TTC7A: variants seen among roughly 807,000 people sequenced by gnomAD.
The protein encoded by TTC7A is tetratricopeptide repeat domain 7A.
TTC7A carries 110 observed loss-of-function variants against 103.7 expected under a neutral mutation model. The ratio of observed to expected loss-of-function variants is 1.06; its 90% confidence interval spans 0.91 to 1.24. The LOEUF is 1.24. Ranked by LOEUF, TTC7A falls within the 50% of genes most tolerant of loss-of-function variation. TTC7A has a pLI of 0.00. For synonymous variants in TTC7A, 521 were observed against 467.9 expected (o/e 1.11, Z -1.47); for missense variants, 1,340 against 1,116.3 (o/e 1.20, Z -2.86).
intron 3 of TTC7A, among the ~76,000 whole-genome samples, chr2:46,966,263 T>G (rs1336760251): frequency 6.6e-6 from 1 of 152,108 alleles, no homozygotes; most frequent in Non-Finnish European, 1.5e-5. Flanking sequence ...TACTTTCTAC[T>G]CTTTATAATA....
At chr2:47,070,272 G>T (rs968153865) in intron 19 of TTC7A, among the ~76,000 whole-genome samples, 3 of 152,246 alleles carry the variant, frequency 2.0e-5, no homozygotes, top group African/African-American at 7.2e-5. Flanking sequence ...CCACAGGGAG[G>T]CTCCCCACTG....
intron 8 of TTC7A, chr2:46,999,530 G>A (rs188603229): frequency 5.1e-6 from 5 of 985,398 alleles, no homozygotes; most frequent in East Asian, 1.1e-4. Flanking sequence ...TAAAGACAAC[G>A]ATTAACAGTT....
intron 18 of TTC7A, 86 bp downstream of exon 18, chr2:47,051,966 G>A: frequency 6.7e-7 from 1 of 1,483,912 alleles, no homozygotes; most frequent in South Asian, 1.3e-5. Context: ...AGGGAGTGTG[G>A]GGAGGTGGGG....
intron 3 of TTC7A, among the ~76,000 whole-genome samples, chr2:46,972,243 A>G (rs13014374): frequency 0.61 from 92,804 of 151,640 alleles, 28,889 homozygotes; most frequent in East Asian, 0.74. Flanking sequence ...TTTTCCATAC[A>G]GCATTAATTT....
chr2:46,965,400 G>A (rs1379216859), intron 3 of TTC7A, among the ~76,000 whole-genome samples: 1 of 152,178 alleles, frequency 6.6e-6, no homozygotes, highest in Non-Finnish European at 1.5e-5. Context: ...CTCAGTCCCT[G>A]TGGCACTGCT....
chr2:46,933,651 G>C (rs1669823726), intron 2 of TTC7A, among the ~76,000 whole-genome samples: 1 of 152,180 alleles, frequency 6.6e-6, no homozygotes. Flanking sequence ...AGTAAAAGTT[G>C]ATTTCCGAAT....
At chr2:47,041,104 G>C (rs1225225129) in intron 15 of TTC7A, among the ~76,000 whole-genome samples, 1 of 152,168 alleles carries the variant, frequency 6.6e-6, no homozygotes, top group Non-Finnish European at 1.5e-5. Context: ...CAGTCAGGAG[G>C]AGCCAGAAGA....
At chr2:46,978,634 T>G (rs1674116112) in intron 4 of TTC7A, 158 bp from the exon 5 acceptor site, 1 of 567,076 alleles carries the variant, frequency 1.8e-6, no homozygotes, top group Non-Finnish European at 3.2e-6. Flanking sequence ...TAGACATATT[T>G]TGAGTTAAAG....
chr2:46,983,465 C>T (rs1437514472), intron 5 of TTC7A, among the ~76,000 whole-genome samples: 1 of 152,246 alleles, frequency 6.6e-6, no homozygotes, highest in Non-Finnish European at 1.5e-5. Context: ...TTGGAGCGCC[C>T]TTGTCTCCCT....
intron 3 of TTC7A, among the ~76,000 whole-genome samples, chr2:46,971,907 A>G (rs79390512): frequency 0.042 from 5,985 of 142,146 alleles, 157 homozygotes; most frequent in Middle Eastern, 0.074. Context: ...TCAGGTCTAT[A>G]TTAGCTGCAA....
rs911985240 is a variant in TTC7A at position 47,023,409 on chromosome 2, C to G, written c.1512C>G (p.Ala504=). The change falls in exon 13 of 20, where the codon GCC becomes GCG. Residue 504 remains alanine (A), a splice_region_variant and synonymous_variant. Coordinates refer to ENST00000319190, the MANE Select transcript of TTC7A (RefSeq NM_020458.4). ...CAGTTTCTGTCCTGTCCCCTGCAGC[C>G]ACCCTGAAGTCCAAGCAAGATGAAT... ...GLTYSLQATD[A]TLKSKQDELH... 5 of 1,614,014 alleles carry G rather than the reference C, an allele frequency of 3.1e-6. No homozygotes were observed. Among genetic ancestry groups the G allele is most frequent in the Non-Finnish European group, 3.4e-6 (4 of 1,179,992 alleles).
chr2:46,974,916 G>T (rs1309084966), intron 3 of TTC7A, 57 bp from the exon 4 acceptor site: 12 of 1,594,032 alleles, frequency 7.5e-6, no homozygotes, highest in Non-Finnish European at 1.0e-5. Flanking sequence ...CATGGGGAGG[G>T]CCTGGAGTCA....
Position 47,073,928 on chromosome 2 carries a change from G to C in TTC7A, c.*5G>C. 1 of 1,606,116 alleles carries C rather than the reference G, an allele frequency of 6.2e-7. No homozygotes were observed. Among genetic ancestry groups the C allele is most frequent in the Non-Finnish European group, 8.5e-7 (1 of 1,175,942 alleles). ...ATCATCCCCAGAGAGCTCTGACGAC[G>C]CTGCAGCCGCAGGGAGGGAGGGGCT... On this transcript the variant is annotated 3_prime_UTR_variant, in exon 20 of 20. Coordinates refer to ENST00000319190, the MANE Select transcript of TTC7A (RefSeq NM_020458.4).
At chr2:47,052,578 T>G (rs1682956000) in intron 18 of TTC7A, among the ~76,000 whole-genome samples, 1 of 152,172 alleles carries the variant, frequency 6.6e-6, no homozygotes, top group African/African-American at 2.4e-5. Flanking sequence ...CACCGGCTTA[T>G]GAATGCCCGG....
At chr2:46,963,634 A>G (rs886548846) in intron 3 of TTC7A, among the ~76,000 whole-genome samples, 5 of 152,330 alleles carry the variant, frequency 3.3e-5, no homozygotes, top group South Asian at 2.1e-4. Context: ...TACAACTCCA[A>G]CTAGTTGGAA....
At position 46,960,545 on chromosome 2, in the gene TTC7A, C is replaced by T. The variant is rs116497958; in HGVS notation, c.517+3538C>T. ...GCACCACCCAGGAGCTTGCAGGGGC[C>T]CTCCCCAAACTCACTGAATCAGAAT... On this transcript the variant is annotated intron_variant, in intron 3 of 19. Transcript: ENST00000319190. 1.2e-3 allele frequency among the ~76,000 whole-genome samples: 182 copies of T among 150,912 alleles called. 1 individual carries two copies. The highest frequency in any genetic ancestry group is 4.2e-3 in the African/African-American group (174 of 40,950).
In TTC7A at chr2:47,074,038, T is replaced by C. The variant is rs1685013423; in HGVS notation, c.*115T>C. On this transcript the variant is annotated 3_prime_UTR_variant, in exon 20 of 20. Coordinates refer to ENST00000319190, the MANE Select transcript of TTC7A (RefSeq NM_020458.4). ...GCGGGGCCTCAGGGAAATACATCTT[T>C]AGTGAACGCCTCTGCAGCTGCAGCC... is the stretch of plus-strand genomic sequence containing the variant. 4.0e-6 allele frequency: 3 copies of C among 747,590 alleles called. No homozygotes were observed. Among genetic ancestry groups the C allele is most frequent in the South Asian group, 1.8e-5 (1 of 55,742 alleles). The allele number at this position is 747,590 out of a possible 1,614,324, so 46.3% of individuals were successfully genotyped here.
intron 2 of TTC7A, among the ~76,000 whole-genome samples, chr2:46,919,419 G>A (rs984927528): frequency 2.0e-5 from 3 of 152,186 alleles, no homozygotes; most frequent in African/African-American, 7.2e-5. Flanking sequence ...TGTAATCCCA[G>A]ATACTCGGGA....
intron 3 of TTC7A, among the ~76,000 whole-genome samples, chr2:46,973,520 T>A (rs1350522438): frequency 6.6e-6 from 1 of 152,156 alleles, no homozygotes; most frequent in Non-Finnish European, 1.5e-5. Context: ...GTGAACTGTT[T>A]CCACCTGGAG....
Sources: gnomAD v4.1 joint callset for allele counts (sites outside exome capture counted in the v4.1 genomes callset) on GRCh38, gnomAD v4.1.1 for gene constraint, MANE v1.5 for transcripts, NCBI Gene and HGNC (gene_info 2026-07-23, HGNC 2026-07-21) for gene names.